The following MAPK10 variants were observed in gnomAD, a reference collection of about 807,000 sequenced individuals.
The protein encoded by MAPK10 is JNK3 alpha protein kinase.
Under a neutral mutation model 59.3 loss-of-function variants are expected in MAPK10, and 25 were observed. That is an observed-to-expected ratio of 0.42 (90% CI 0.31 to 0.59). The LOEUF (loss-of-function observed/expected upper bound fraction) is 0.59. MAPK10 is among the 20% of genes least tolerant of loss of function. The pLI is 0.15. For synonymous variants in MAPK10, 190 were observed against 200.5 expected, an observed-to-expected ratio of 0.95 and a Z score of 0.44; for missense variants, 351 against 568.9, an observed-to-expected ratio of 0.62 and a Z score of 3.90.
intron 1 of MAPK10, among the ~76,000 whole-genome samples, chr4:86,591,408 C>A (rs978471398): frequency 6.6e-6 from 1 of 152,108 alleles, no homozygotes; most frequent in Non-Finnish European, 1.5e-5. Context: ...GGATCTCACT[C>A]TGTTGCCCAG....
At chr4:86,079,673 C>G (rs1180479967) in intron 9 of MAPK10, 1 of 152,024 alleles carries the variant, frequency 6.6e-6, no homozygotes, top group East Asian at 1.9e-4. Context: ...AACAAAGAAG[C>G]TGATACAAAC....
In MAPK10 at chr4:86,159,275, T is replaced by C. The variant is rs562696824; in HGVS notation, c.236+23A>G. The C allele has an allele frequency of 8.2e-5, 129 of 1,565,134 alleles. No individual in the cohort carries two copies. In the East Asian group the frequency reaches 3.0e-3, roughly 36 times the overall value. ...GCACACGGTGTGTTCCCTTTAAAAATACAGCAAATCCATTCCGCTTACCAA... is the reference window on the plus strand; with the variant it reads ...GCACACGGTGTGTTCCCTTTAAAAACACAGCAAATCCATTCCGCTTACCAA... On this transcript the variant is annotated intron_variant, in intron 4 of 13. Transcript: ENST00000641462.
rs557288853 is a variant in MAPK10 at position 86,182,926 on chromosome 4, T to C, written c.66+11410A>G. Among the ~76,000 whole-genome samples the C allele has an allele frequency of 3.9e-5, 6 of 152,220 alleles. No individual in the cohort carries two copies. In the East Asian group the frequency reaches 1.2e-3, roughly 29 times the overall value. ...GCTTCACTTCTTTTTATTCCTTTGCTTTAAAAGAACTCTCATTAAAAATAA... is the reference window on the plus strand; with the variant it reads ...GCTTCACTTCTTTTTATTCCTTTGCCTTAAAAGAACTCTCATTAAAAATAA... On this transcript the variant is annotated intron_variant, in intron 3 of 13. Transcript: ENST00000641462.
chr4:86,213,910 A>T (rs928314133), intron 2 of MAPK10, among the ~76,000 whole-genome samples: 1 of 152,074 alleles, frequency 6.6e-6, no homozygotes, highest in African/African-American at 2.4e-5. Flanking sequence ...AGACAAAGAT[A>T]TTACAAGAAA....
chr4:86,052,661 A>T (rs1048575907), intron 11 of MAPK10, among the ~76,000 whole-genome samples: 1 of 152,076 alleles, frequency 6.6e-6, no homozygotes, highest in Admixed American at 6.6e-5. Flanking sequence ...TGTTACGTTG[A>T]ATCATGGAGG....
chr4:86,289,147 A>G (rs1584136086), intron 2 of MAPK10, among the ~76,000 whole-genome samples: 1 of 152,242 alleles, frequency 6.6e-6, no homozygotes, highest in East Asian at 1.9e-4. Context: ...AAAGTGAAGG[A>G]GCGTTTAGGA....
intron 9 of MAPK10, among the ~76,000 whole-genome samples, chr4:86,094,674 TG>T (rs2053899219): frequency 6.6e-6 from 1 of 151,856 alleles, no homozygotes; most frequent in Non-Finnish European, 1.5e-5. Context: ...GGTTGGGGTT[TG>T]GGGTGGTGGA....
chr4:86,022,632 G>A (rs1346646388), intron 13 of MAPK10, among the ~76,000 whole-genome samples: 4 of 152,062 alleles, frequency 2.6e-5, no homozygotes, highest in African/African-American at 9.6e-5. Context: ...AGCCTCCCAA[G>A]TAGCTAGGAC....
chr4:86,146,836 A>C (rs1370534080), intron 4 of MAPK10, among the ~76,000 whole-genome samples: 8 of 152,190 alleles, frequency 5.3e-5, no homozygotes, highest in African/African-American at 1.7e-4. Context: ...AATGTATATG[A>C]ACTGAAGGAT....
intron 1 of MAPK10, among the ~76,000 whole-genome samples, chr4:86,371,303 T>C (rs549757214): frequency 9.2e-5 from 14 of 152,356 alleles, no homozygotes; most frequent in South Asian, 6.2e-4. Flanking sequence ...ACATTTGCTC[T>C]AGTCACACAG....
intron 2 of MAPK10, among the ~76,000 whole-genome samples, chr4:86,218,432 A>G (rs899063749): frequency 6.6e-6 from 1 of 152,088 alleles, no homozygotes; most frequent in Non-Finnish European, 1.5e-5. Flanking sequence ...AAGTGCTGGG[A>G]TTACAGGTGT....
chr4:86,591,118 C>T (rs1347255249), intron 1 of MAPK10, among the ~76,000 whole-genome samples: 1 of 151,920 alleles, frequency 6.6e-6, no homozygotes, highest in Non-Finnish European at 1.5e-5. Context: ...AAGATGGGGT[C>T]TTGCTATGTT....
At chr4:86,518,673 C>G (rs1056138438) in intron 1 of MAPK10, among the ~76,000 whole-genome samples, 3 of 124,472 alleles carry the variant, frequency 2.4e-5, no homozygotes, top group African/African-American at 9.0e-5. Context: ...TTGGTTTGTT[C>G]TTGTTTCTCT....
intron 2 of MAPK10, among the ~76,000 whole-genome samples, chr4:86,258,034 C>G (rs1470386983): frequency 6.6e-6 from 1 of 152,120 alleles, no homozygotes; most frequent in Non-Finnish European, 1.5e-5. Flanking sequence ...TCACAATGCT[C>G]AATCGTGAAG....
At chr4:86,546,356 T>A (rs1759160530) in intron 1 of MAPK10, among the ~76,000 whole-genome samples, 2 of 151,134 alleles carry the variant, frequency 1.3e-5, no homozygotes, top group Non-Finnish European at 2.9e-5. Context: ...GAGACAAGCC[T>A]GGCCAACATG....
intron 1 of MAPK10, among the ~76,000 whole-genome samples, chr4:86,430,164 C>T (rs991788714): frequency 2.0e-5 from 3 of 152,142 alleles, no homozygotes; most frequent in Non-Finnish European, 4.4e-5. Flanking sequence ...TGCCCTACTA[C>T]GTACCCATGT....
intron 1 of MAPK10, among the ~76,000 whole-genome samples, chr4:86,517,786 T>C (rs1045438933): frequency 6.6e-6 from 1 of 152,184 alleles, no homozygotes; most frequent in Admixed American, 6.5e-5. Flanking sequence ...AGTTCCATTT[T>C]GGTGTATTTT....
chr4:86,508,002 T>A (rs1205328057), intron 1 of MAPK10, among the ~76,000 whole-genome samples: 1 of 152,014 alleles, frequency 6.6e-6, no homozygotes, highest in Non-Finnish European at 1.5e-5. Flanking sequence ...TTGGTATTGA[T>A]CTCTGTAACC....
At chr4:86,573,737 T>C (rs146141204) in intron 1 of MAPK10, among the ~76,000 whole-genome samples, 35 of 152,300 alleles carry the variant, frequency 2.3e-4, no homozygotes, top group East Asian at 1.5e-3. Context: ...TCTCCACTTA[T>C]TAAGTTTTCT....
Sources: gnomAD v4.1 joint callset for allele counts (sites outside exome capture counted in the v4.1 genomes callset) on GRCh38, gnomAD v4.1.1 for gene constraint, MANE v1.5 for transcripts, NCBI Gene and HGNC (gene_info 2026-07-23, HGNC 2026-07-21) for gene names.